Variants in DGCR8 observed in about 807,000 individuals in gnomAD.
The protein encoded by DGCR8 is DGCR8 microprocessor complex subunit, also known as microprocessor complex subunit DGCR8.
In DGCR8, 14 loss-of-function variants were observed where a neutral mutation model predicts 78.5. The observed-to-expected ratio is 0.18, with a 90% CI of 0.12 to 0.28. The LOEUF (loss-of-function observed/expected upper bound fraction) is 0.28, where lower values mean the gene tolerates loss of function less well. DGCR8 is among the 10% of genes least tolerant of loss of function. The pLI is 1.00. For missense variants in DGCR8, 702 were observed against 1,022.5 expected (o/e 0.69, Z 4.28); for synonymous variants, 399 against 402.4 (o/e 0.99, Z 0.10).
Position 20,111,755 on chromosome 22 carries a change from A to C in DGCR8, c.*1647A>C. 4.6e-6 allele frequency: 1 copy of C among 216,864 alleles called. No individual in the cohort carries two copies. The highest frequency in any genetic ancestry group is 8.2e-6 in the Non-Finnish European group (1 of 121,920). The allele number at this position is 216,864 out of a possible 1,614,324, so 13.4% of individuals were successfully genotyped here. On this transcript the variant is annotated 3_prime_UTR_variant, in exon 14 of 14. Transcript: ENST00000351989. ...TGCCAAGCATGGGTATGAATCGTGC[A>C]CACAGCCATGCTTCAAGGCCGGGGC... is the stretch of plus-strand genomic sequence containing the variant.
At chr22:20,109,101 C>A in intron 13 of DGCR8, 98 bp downstream of exon 13, 1 of 686,432 alleles carries the variant, frequency 1.5e-6, no homozygotes, top group Non-Finnish European at 2.7e-6. Flanking sequence ...TGAGCTGACA[C>A]CTTGGAAATG....
At position 20,080,273 on chromosome 22, in the gene DGCR8, G is replaced by C; in HGVS notation, c.-388G>C. Reference sequence around the variant, plus strand: ...CGCCCGGCGCGGCAGGCGGGTGCCGGCGACCGGAGAGCCTGGACAGGCTTT... The same window carrying C: ...CGCCCGGCGCGGCAGGCGGGTGCCGCCGACCGGAGAGCCTGGACAGGCTTT... On this transcript the variant is annotated 5_prime_UTR_variant, in exon 1 of 14. Coordinates refer to ENST00000351989, the MANE Select transcript of DGCR8 (RefSeq NM_022720.7). 7 of 980,700 alleles carry C rather than the reference G, an allele frequency of 7.1e-6. No individual in the cohort carries two copies. Among genetic ancestry groups the C allele is most frequent in the Non-Finnish European group, 6.0e-6 (5 of 827,796 alleles). The allele number at this position is 980,700 out of a possible 1,614,324, so 60.7% of individuals were successfully genotyped here.
rs763225997 is a variant in DGCR8, at chr22:20,108,867, GC to G, written c.2125-22del. On this transcript the variant is annotated intron_variant, in intron 12 of 13. Transcript: ENST00000351989. ...GTAGAGCTACAGCCTGCAGTCCTGA[GC>G]GTGAGGTGCTATACTTCCCAGGAGA... The G allele has an allele frequency of 2.3e-6, 3 of 1,277,444 alleles. No homozygotes were observed. The South Asian group carries it at 3.6e-5, about 15-fold the overall frequency. The allele number at this position is 1,277,444 out of a possible 1,614,324, so 79.1% of individuals were successfully genotyped here. A position where few individuals can be genotyped will look rare whatever the true frequency, so the allele number is the denominator to read the frequency against.
chr22:20,080,295 C>T lies in DGCR8; in HGVS notation c.-366C>T, dbSNP rs1258070554. 3 of 980,984 alleles carry T rather than the reference C, an allele frequency of 3.1e-6. No homozygotes were observed. Among genetic ancestry groups the T allele is most frequent in the Admixed American group, 1.3e-4 (2 of 15,856 alleles). 60.8% of individuals were successfully genotyped at this position (980,984 alleles called of 1,614,324 possible). Reference sequence around the variant, plus strand: ...CCGGCGACCGGAGAGCCTGGACAGGCTTTCCAGATGGCTGCGGCGGTCGGT... The same window carrying T: ...CCGGCGACCGGAGAGCCTGGACAGGTTTTCCAGATGGCTGCGGCGGTCGGT... On this transcript the variant is annotated 5_prime_UTR_variant, in exon 1 of 14. Transcript: ENST00000351989.
In DGCR8 at chr22:20,080,301, A is replaced by C; in HGVS notation, c.-360A>C. On this transcript the variant is annotated 5_prime_UTR_variant, in exon 1 of 14. Coordinates refer to ENST00000351989, the MANE Select transcript of DGCR8 (RefSeq NM_022720.7). ...ACCGGAGAGCCTGGACAGGCTTTCC[A>C]GATGGCTGCGGCGGTCGGTCGGTGA... 3.1e-6 allele frequency: 3 copies of C among 981,050 alleles called. No individual in the cohort carries two copies. Among genetic ancestry groups the C allele is most frequent in the Non-Finnish European group, 3.6e-6 (3 of 828,192 alleles). The allele number at this position is 981,050 out of a possible 1,614,324, so 60.8% of individuals were successfully genotyped here. A position where few individuals can be genotyped will look rare whatever the true frequency, so the allele number is the denominator to read the frequency against.
intron 9 of DGCR8, chr22:20,100,664 G>C: frequency 1.0e-6 from 1 of 985,452 alleles, no homozygotes; most frequent in Non-Finnish European, 1.2e-6. Flanking sequence ...GGGTTCTTCT[G>C]TGAAGTGGAG....
chr22:20,080,256 G>A lies in DGCR8; in HGVS notation c.-405G>A. ...AAGGCCCGCCCTCCGCTCGCCCGGC[G>A]CGGCAGGCGGGTGCCGGCGACCGGA... On this transcript the variant is annotated 5_prime_UTR_variant, in exon 1 of 14. Transcript: ENST00000351989. 1.0e-6 allele frequency: 1 copy of A among 977,400 alleles called. No individual in the cohort carries two copies. Among genetic ancestry groups the A allele is most frequent in the Non-Finnish European group, 1.2e-6 (1 of 824,730 alleles). 60.5% of individuals were successfully genotyped at this position (977,400 alleles called of 1,614,324 possible).
chr22:20,092,493 G>A (rs143577567), intron 7 of DGCR8, among the ~76,000 whole-genome samples: 10 of 152,240 alleles, frequency 6.6e-5, no homozygotes, highest in African/African-American at 2.2e-4. Flanking sequence ...TTCCCATTCC[G>A]GCAGTCCTGT....
chr22:20,087,266 C>G lies in DGCR8; in HGVS notation c.825C>G (p.Ser275=), dbSNP rs753194485. The change falls in exon 3 of 14, where the codon TCC becomes TCG. Residue 275 remains serine (S), a synonymous_variant. Coordinates refer to ENST00000351989, the MANE Select transcript of DGCR8 (RefSeq NM_022720.7). This position sits in a 1 kb window ranked among gnomAD's most constrained non-coding sequence, Gnocchi z 4.1. ...EKYGGDSDHP[S]DGETSVQPMM... is the part of the protein sequence containing the mutation. The stretch of plus-strand genomic sequence containing the variant: ...ATGGCGGAGACAGCGACCATCCGTC[C>G]GATGGAGAGACAAGTGTGCAGCCGA... 3.1e-6 allele frequency: 5 copies of G among 1,613,808 alleles called. No homozygotes were observed. In the Admixed American group the frequency reaches 8.3e-5, roughly 27 times the overall value.
rs779151479 is a variant in DGCR8, at chr22:20,091,545, C to T, written c.1417C>T (p.Arg473Trp). The stretch of plus-strand genomic sequence containing the variant: ...GCGGCAATTCAATCGGGAAATGAAG[C>T]GGAAGCAGGCGGAGTCCGAGAGGCC... ...ERRQFNREMKRKQAESERPIL... is the reference protein window; with the variant it reads ...ERRQFNREMKWKQAESERPIL... Residue 473 changes from arginine (R) to tryptophan (W), a missense_variant, in exon 6 of 14, where the codon CGG becomes TGG. Physicochemically the swap from Arg to Trp is moderately radical, Grantham distance 101 (BLOSUM62 -3). Around this residue, in one of 4 missense-constraint regions of DGCR8, gnomAD observed 225 missense variants for 427.7 expected, o/e 0.53. Transcript: ENST00000351989. 17 of 1,614,066 alleles carry T rather than the reference C, an allele frequency of 1.1e-5. No homozygotes were observed. Among genetic ancestry groups the T allele is most frequent in the Non-Finnish European group, 1.4e-5 (16 of 1,180,040 alleles).
chr22:20,082,912 G>C (rs960330209), intron 1 of DGCR8, among the ~76,000 whole-genome samples: 1 of 152,200 alleles, frequency 6.6e-6, no homozygotes, highest in Non-Finnish European at 1.5e-5. Context: ...CCACTGTGTG[G>C]GCCTTCCTAT....
At chr22:20,098,440 T>G (rs1253068243) in intron 9 of DGCR8, among the ~76,000 whole-genome samples, 3 of 152,226 alleles carry the variant, frequency 2.0e-5, no homozygotes, top group African/African-American at 7.2e-5. Flanking sequence ...ACTTTCCTAT[T>G]TCTTTGCATA....
chr22:20,091,491 G>C lies in DGCR8; in HGVS notation c.1363G>C (p.Val455Leu), dbSNP rs750868057. Residue 455 changes from valine to leucine, a missense_variant, in exon 6 of 14, where the codon GTG becomes CTG. This residue lies in a region of DGCR8 where 225 missense variants were observed against 427.7 expected (regional missense o/e 0.53). Transcript: ENST00000351989. ...EKRFDFEQVT[V>L]KKFRTWAERR... ...GCGTTTTGACTTTGAGCAAGTTACT[G>C]TGAAAAAATTCAGGACTTGGGCTGA... 102 of 1,614,128 alleles carry C rather than the reference G, an allele frequency of 6.3e-5. No individual in the cohort carries two copies. The highest frequency in any genetic ancestry group is 2.3e-4 in the Admixed American group (14 of 60,014).
intron 1 of DGCR8, among the ~76,000 whole-genome samples, chr22:20,080,873 C>T (rs1313096798): frequency 6.6e-6 from 1 of 152,258 alleles, no homozygotes; most frequent in African/African-American, 2.4e-5. Flanking sequence ...AACCTGTTGA[C>T]AGTGATGCCT....
intron 9 of DGCR8, 107 bp downstream of exon 9, chr22:20,094,902 G>T (rs944030065): frequency 2.3e-5 from 21 of 929,958 alleles, no homozygotes; most frequent in Non-Finnish European, 3.5e-5. Flanking sequence ...TGCCTTCCAT[G>T]CCCTGTAGGT....
intron 13 of DGCR8, 36 bp from the exon 14 acceptor site, chr22:20,109,988 AC>A (rs1422823602): frequency 6.2e-7 from 1 of 1,606,428 alleles, no homozygotes. Context: ...TGCCAAGCCC[AC>A]CTCACTGGTA....
In DGCR8 at chr22:20,086,504, A is replaced by G. The variant is rs1381681886; in HGVS notation, c.541A>G (p.Lys181Glu). 4.3e-6 allele frequency: 7 copies of G among 1,613,920 alleles called. No individual in the cohort carries two copies. In the Admixed American group the frequency reaches 6.7e-5, roughly 15 times the overall value. Residue 181 changes from lysine (K) to glutamate (E), a missense_variant, in exon 2 of 14, where the codon AAG becomes GAG. Lys to Glu is a moderately conservative substitution (Grantham distance 56, BLOSUM62 1). Transcript: ENST00000351989. The surrounding 1 kb of genome is among the most constrained non-coding windows in gnomAD (Gnocchi z 6.4). The part of the protein sequence containing the change: ...GVGIGGESAD[K>E]KDEENELDQE... ...AGGCATAGGGGGTGAGAGTGCTGAT[A>G]AGAAGGATGAGGAGAATGAGCTGGA...
chr22:20,096,392 A>G, intron 9 of DGCR8: 4 of 969,984 alleles, frequency 4.1e-6, no homozygotes, highest in Non-Finnish European at 4.9e-6. Context: ...TGGAGTTCAA[A>G]TCCATGTTGT....
chr22:20,101,658 G>A (rs141138950), intron 9 of DGCR8: 280 of 985,312 alleles, frequency 2.8e-4, no homozygotes, highest in South Asian at 4.7e-4. Flanking sequence ...TTTTCCCTCC[G>A]TTGTAGGGTG....
Sources: allele counts gnomAD v4.1 joint callset (sites outside exome capture counted in the v4.1 genomes callset), GRCh38; gene constraint gnomAD v4.1.1; regional missense constraint gnomAD v4.1.1; non-coding constraint Gnocchi (gnomAD v3.1); transcripts MANE v1.5; gene names NCBI Gene and HGNC (gene_info 2026-07-23, HGNC 2026-07-21).